Variants in ARHGAP15 observed in about 807,000 individuals in gnomAD.
ARHGAP15 encodes Rho GTPase activating protein 15, also known as rho GTPase-activating protein 15.
ARHGAP15 carries 51 observed loss-of-function variants against 63.7 expected under a neutral mutation model. That is an observed-to-expected ratio of 0.80 (90% CI 0.64 to 1.01). The LOEUF (loss-of-function observed/expected upper bound fraction) is 1.01, where lower values mean the gene tolerates loss of function less well. Ranked by LOEUF, ARHGAP15 falls within the 50% of genes least tolerant of loss-of-function variation. The pLI, the probability that ARHGAP15 is intolerant of heterozygous loss-of-function variation, is 0.00. For missense variants in ARHGAP15, 560 were observed against 564.6 expected (o/e 0.99, Z 0.08); for synonymous variants, 191 against 193.8 (o/e 0.99, Z 0.12).
At chr2:143,212,704 A>G (rs1411223223) in intron 3 of ARHGAP15, among the ~76,000 whole-genome samples, 1 of 152,192 alleles carries the variant, frequency 6.6e-6, no homozygotes, top group Non-Finnish European at 1.5e-5. Flanking sequence ...AGTAGGAATA[A>G]TTATTAGAGA....
At chr2:143,293,374 C>A (rs1682492908) in intron 6 of ARHGAP15, among the ~76,000 whole-genome samples, 1 of 152,030 alleles carries the variant, frequency 6.6e-6, no homozygotes, top group African/African-American at 2.4e-5. Flanking sequence ...CATATTTAGT[C>A]CTCACAACAA....
At chr2:143,477,426 CATT>C (rs58091410) in intron 8 of ARHGAP15, among the ~76,000 whole-genome samples, 9,665 of 152,006 alleles carry the variant, frequency 0.064, 492 homozygotes, top group East Asian at 0.21. Flanking sequence ...ATATTTTAAT[CATT>C]AATATTAATC....
Position 143,694,968 on chromosome 2 carries a change from G to A in ARHGAP15, c.1139-8451G>A, listed in dbSNP as rs369165295. On this transcript the variant is annotated intron_variant, in intron 12 of 13. Transcript: ENST00000295095. ...TTCTAATCCCTTATAAATTTAATTG[G>A]TCTACCAATGGAAAGACACACATTG... Among the ~76,000 whole-genome samples the A allele has an allele frequency of 7.9e-5, 12 of 152,084 alleles. No homozygotes were observed. The East Asian group carries it at 1.4e-3, about 17-fold the overall frequency.
chr2:143,489,146 A>C (rs1237847335), intron 9 of ARHGAP15, among the ~76,000 whole-genome samples: 8 of 152,236 alleles, frequency 5.3e-5, no homozygotes, highest in Admixed American at 5.2e-4. Flanking sequence ...GGGACAAAAT[A>C]AAAGGGGTTT....
chr2:143,148,652 G>A (rs1379662379), intron 1 of ARHGAP15, among the ~76,000 whole-genome samples: 1 of 152,024 alleles, frequency 6.6e-6, no homozygotes, highest in African/African-American at 2.4e-5. Context: ...TTAAATAAAT[G>A]CAAAAACTTA....
chr2:143,655,103 C>T (rs1244514483), intron 12 of ARHGAP15, among the ~76,000 whole-genome samples: 4 of 152,062 alleles, frequency 2.6e-5, no homozygotes, highest in South Asian at 2.1e-4. Context: ...AAACTCATGG[C>T]AAAGGTAATA....
intron 6 of ARHGAP15, among the ~76,000 whole-genome samples, chr2:143,396,350 A>G (rs1045677758): frequency 1.3e-5 from 2 of 152,142 alleles, no homozygotes; most frequent in Non-Finnish European, 2.9e-5. Context: ...AAACCATAGC[A>G]TCTTCTCTGT....
chr2:143,297,302 G>A (rs1416267964), intron 6 of ARHGAP15, among the ~76,000 whole-genome samples: 1 of 151,934 alleles, frequency 6.6e-6, no homozygotes, highest in Admixed American at 6.6e-5. Context: ...GAGATCACAA[G>A]TTTGCACACC....
At chr2:143,351,047 G>A (rs1322291443) in intron 6 of ARHGAP15, 1 of 152,018 alleles carries the variant, frequency 6.6e-6, no homozygotes, top group African/African-American at 2.4e-5. Flanking sequence ...GTCTTTATGA[G>A]AGAAAACTGG....
chr2:143,250,495 A>C lies in ARHGAP15; in HGVS notation c.385-16A>C, dbSNP rs753647445. The C allele has an allele frequency of 3.7e-6, 6 of 1,605,422 alleles. No individual in the cohort carries two copies. The East Asian group carries it at 1.3e-4, about 36-fold the overall frequency. On this transcript the variant is annotated splice_polypyrimidine_tract_variant and intron_variant, in intron 5 of 13. Coordinates refer to ENST00000295095, the MANE Select transcript of ARHGAP15 (RefSeq NM_018460.4). ...TGTTGCATCCTCTTATTCTTACTTC[A>C]TTTTTGTGATTACAGAAAACTGGGC...
At chr2:143,387,651 A>G (rs746127196) in intron 6 of ARHGAP15, among the ~76,000 whole-genome samples, 9 of 152,126 alleles carry the variant, frequency 5.9e-5, no homozygotes, top group Admixed American at 1.3e-4. Flanking sequence ...CCAGGTATGA[A>G]CCAGGCCATA....
intron 12 of ARHGAP15, among the ~76,000 whole-genome samples, chr2:143,668,633 A>G (rs1321355782): frequency 1.3e-5 from 2 of 152,224 alleles, no homozygotes; most frequent in Non-Finnish European, 2.9e-5. Flanking sequence ...CTCAGTCTAA[A>G]TAAGTCACCC....
intron 2 of ARHGAP15, among the ~76,000 whole-genome samples, chr2:143,179,317 T>C (rs544556323): frequency 6.6e-6 from 1 of 152,326 alleles, no homozygotes; most frequent in Admixed American, 6.5e-5. Flanking sequence ...ATAGAAGTCA[T>C]CTTGCATTCA....
intron 8 of ARHGAP15, among the ~76,000 whole-genome samples, chr2:143,485,685 T>C (rs1023651009): frequency 2.6e-5 from 4 of 152,104 alleles, no homozygotes; most frequent in African/African-American, 7.2e-5. Flanking sequence ...AAGGAGGGCG[T>C]GCTGCTGGCA....
At chr2:143,375,027 A>G (rs1220177750) in intron 6 of ARHGAP15, among the ~76,000 whole-genome samples, 4 of 152,332 alleles carry the variant, frequency 2.6e-5, no homozygotes, top group African/African-American at 7.2e-5. Context: ...AAATAAAACA[A>G]TGAAAAAATA....
chr2:143,638,366 T>C, intron 12 of ARHGAP15, among the ~76,000 whole-genome samples: 1 of 147,150 alleles, frequency 6.8e-6, no homozygotes. Flanking sequence ...ATGGATGAAA[T>C]TGGAAATCAT....
At chr2:143,416,809 A>G (rs1358113102) in intron 6 of ARHGAP15, among the ~76,000 whole-genome samples, 1 of 118,650 alleles carries the variant, frequency 8.4e-6, no homozygotes, top group Non-Finnish European at 1.7e-5. Context: ...CCTGCCTGCC[A>G]CTTCCCCCAC....
rs1684462383 is a variant in ARHGAP15, at chr2:143,330,117, AAAAAAAAAAAAAAAC to A, written c.474+79518_474+79532del. Among the ~76,000 whole-genome samples the A allele has an allele frequency of 1.2e-4, 10 of 85,346 alleles. 1 individual carries two copies. The highest frequency in any genetic ancestry group is 7.4e-4 in the South Asian group (2 of 2,692). The allele number at this position is 85,346 out of a possible 152,430, so 56.0% of individuals were successfully genotyped here. A position where few individuals can be genotyped will look rare whatever the true frequency, so the allele number is the denominator to read the frequency against. On this transcript the variant is annotated intron_variant, in intron 6 of 13. Transcript: ENST00000295095. ...CTCAAAAAAAAAAAAAAAAAAAAAA[AAAAAAAAAAAAAAAC>A]CAAAAACAAAAAACTAAACTAATGA...
rs58153000 is a variant in ARHGAP15, at chr2:143,373,629, C to CAAAA, written c.475-61944_475-61941dup. Among the ~76,000 whole-genome samples, 190 of 62,930 alleles carry CAAAA rather than the reference C, an allele frequency of 3.0e-3. 4 individuals are homozygous for CAAAA. The highest frequency in any genetic ancestry group is 4.6e-3 in the Non-Finnish European group (149 of 32,334). The allele number at this position is 62,930 out of a possible 152,430, so 41.3% of individuals were successfully genotyped here. A position where few individuals can be genotyped will look rare whatever the true frequency, so the allele number is the denominator to read the frequency against. On this transcript the variant is annotated intron_variant, in intron 6 of 13. Transcript: ENST00000295095. ...TGGGTGAGAGAGCCAGACTCTATCT[C>CAAAA]AAAAAAAAAAAAAAAAAAAAAAAAA...
Sources: gnomAD v4.1 joint callset for allele counts (sites outside exome capture counted in the v4.1 genomes callset) on GRCh38, gnomAD v4.1.1 for gene constraint, MANE v1.5 for transcripts, NCBI Gene and HGNC (gene_info 2026-07-23, HGNC 2026-07-21) for gene names.